Variants in ZNF850 observed in about 807,000 individuals in gnomAD.
ZNF850 encodes the protein putative zinc finger protein ENSP00000330994.
A neutral mutation model predicts 11.9 loss-of-function variants in ZNF850; 2 were observed. The observed-to-expected ratio is 0.17, with a 90% confidence interval of 0.07 to 0.53. The LOEUF (loss-of-function observed/expected upper bound fraction) is 0.53, where lower values mean the gene tolerates loss of function less well. ZNF850 is among the 20% of genes least tolerant of loss of function. ZNF850 has a pLI of 0.94. For missense variants in ZNF850, 1,014 were observed against 1,316.4 expected, an observed-to-expected ratio of 0.77 and a Z score of 3.55; for synonymous variants, 381 against 443.0, an observed-to-expected ratio of 0.86 and a Z score of 1.76.
intron 1 of ZNF850, among the ~76,000 whole-genome samples, chr19:36,772,002 T>G (rs541726407): frequency 6.6e-6 from 1 of 152,102 alleles, no homozygotes; most frequent in Non-Finnish European, 1.5e-5. Context: ...CCGCCAACTC[T>G]CTCTCTTTCT....
At chr19:36,765,155 T>A (rs2040542273) in intron 1 of ZNF850, among the ~76,000 whole-genome samples, 1 of 152,344 alleles carries the variant, frequency 6.6e-6, no homozygotes, top group East Asian at 1.9e-4. Context: ...TTGCTCTAGC[T>A]GTCTCTGATT....
In ZNF850 at chr19:36,748,096, C is replaced by G; in HGVS notation, c.2944G>C (p.Glu982Gln). The change falls in exon 5 of 5, where the codon GAA (glutamate) becomes CAA (glutamine). Residue 982 changes from glutamate to glutamine, a missense_variant. Around this residue, in one of 2 missense-constraint regions of ZNF850, gnomAD observed 179 missense variants for 294.4 expected, o/e 0.61. Coordinates refer to ENST00000591344, the MANE Select transcript of ZNF850 (RefSeq NM_001193552.2). The stretch of plus-strand genomic sequence containing the variant: ...AAAGATTTCCCACATTCTTTACATT[C>G]ATAAGGTCTGTCACCGGTATGAATT... Reference protein sequence around the residue: ...QRIHTGDRPYECKECGKSFTC... With the variant: ...QRIHTGDRPYQCKECGKSFTC... 2 of 1,551,054 alleles carry G rather than the reference C, an allele frequency of 1.3e-6. No homozygotes were observed. The highest frequency in any genetic ancestry group is 1.7e-6 in the Non-Finnish European group (2 of 1,151,988).
At chr19:36,751,653 G>T (rs954901368) in intron 4 of ZNF850, among the ~76,000 whole-genome samples, 9 of 119,000 alleles carry the variant, frequency 7.6e-5, no homozygotes, top group Non-Finnish European at 1.4e-4. Flanking sequence ...AGCCAAGATC[G>T]TACCATTGCA....
intron 3 of ZNF850, among the ~76,000 whole-genome samples, chr19:36,762,045 C>CAAAAAAAA (rs374193379): frequency 1.8e-5 from 2 of 114,246 alleles, no homozygotes; most frequent in Admixed American, 9.8e-5. Context: ...GACTTTGTCT[C>CAAAAAAAA]AAAAAAAAAA....
Position 36,749,436 on chromosome 19 carries a change from C to T in ZNF850, c.1604G>A (p.Cys535Tyr), listed in dbSNP as rs773348840. Residue 535 changes from cysteine (C) to tyrosine (Y), a missense_variant, in exon 5 of 5, where the codon TGT becomes TAT. Coordinates refer to ENST00000591344, the MANE Select transcript of ZNF850 (RefSeq NM_001193552.2). ...RIHTGEKPYH[C>Y]KECGKSFTFR... ...AGTAAAAGATTTTCCACATTCCTTA[C>T]AATGATAGGGTTTCTCACCAGTGTG... 6.4e-7 allele frequency: 1 copy of T among 1,550,598 alleles called. No individual in the cohort carries two copies. Among genetic ancestry groups the T allele is most frequent in the South Asian group, 1.2e-5 (1 of 84,870 alleles).
At chr19:36,753,659 A>G (rs2040468349) in intron 4 of ZNF850, among the ~76,000 whole-genome samples, 2 of 152,142 alleles carry the variant, frequency 1.3e-5, no homozygotes, top group South Asian at 2.1e-4. Context: ...AAAAAAAAAT[A>G]GCTTACACAC....
rs576878914 is a variant in ZNF850 at position 36,748,773 on chromosome 19, G to A, written c.2267C>T (p.Pro756Leu). 6.3e-5 allele frequency: 98 copies of A among 1,551,456 alleles called. No individual in the cohort carries two copies. The highest frequency in any genetic ancestry group is 3.3e-4 in the Middle Eastern group (2 of 6,024). The change falls in exon 5 of 5, where the codon CCC becomes CTC. Residue 756 changes from proline (P) to leucine (L), a missense_variant. Pro to Leu is a moderately conservative substitution (Grantham distance 98, BLOSUM62 -3). Around this residue, in one of 2 missense-constraint regions of ZNF850, gnomAD observed 835 missense variants for 1,022.0 expected, o/e 0.82. Coordinates refer to ENST00000591344, the MANE Select transcript of ZNF850 (RefSeq NM_001193552.2). Reference protein sequence around the residue: ...QHQQIHTGEKPYDCKECGKSF... With the variant: ...QHQQIHTGEKLYDCKECGKSF... ...TTTCCCACATTCCTTACAATCATAG[G>A]GTTTCTCACCAGTGTGAATTTGCTG...
rs1025857810 is a variant in ZNF850 at position 36,772,722 on chromosome 19, C to T, written c.-70+3G>A. On this transcript the variant is annotated splice_donor_region_variant and intron_variant, in intron 1 of 4. Coordinates refer to ENST00000591344, the MANE Select transcript of ZNF850 (RefSeq NM_001193552.2). ...ACAAAAGGACCGGAGCCGGATTCCT[C>T]ACCCTCAGCATTCTCTGGTTCCGCT... 1 of 152,504 alleles carries T rather than the reference C, an allele frequency of 6.6e-6. No individual in the cohort carries two copies. Among genetic ancestry groups the T allele is most frequent in the African/African-American group, 2.4e-5 (1 of 41,452 alleles). 9.4% of individuals were successfully genotyped at this position (152,504 alleles called of 1,614,324 possible).
At chr19:36,762,504 G>T in intron 2 of ZNF850, 73 bp from the exon 3 acceptor site, 1 of 1,532,606 alleles carries the variant, frequency 6.5e-7, no homozygotes, top group Non-Finnish European at 8.7e-7. Flanking sequence ...GAGATGGAAG[G>T]GTGCTGAAGG....
rs191253370 is a variant in ZNF850, at chr19:36,763,256, A to G, written c.-69-581T>C. ...ATCTACAAAAAGTTTAAAAACCTCT[A>G]TTGGCTGGGCGCGGTGGCTCACACC... is the stretch of plus-strand genomic sequence containing the variant. On this transcript the variant is annotated intron_variant, in intron 1 of 4. Coordinates refer to ENST00000591344, the MANE Select transcript of ZNF850 (RefSeq NM_001193552.2). 7.2e-5 allele frequency among the ~76,000 whole-genome samples: 11 copies of G among 151,976 alleles called. No individual in the cohort carries two copies. In the East Asian group the frequency reaches 1.6e-3, roughly 22 times the overall value.
At position 36,748,174 on chromosome 19, in the gene ZNF850, T is replaced by TCGG. The variant is rs1568732086; in HGVS notation, c.2865_2866insCCG (p.Cys955_Lys956insPro). ...TGTCTGAAGGACTTCCCACATGTCT[T>TCGG]ACATTCATAGGGTTTCTCGCCAGTG... On this transcript the variant is annotated inframe_insertion, in exon 5 of 5. Transcript: ENST00000591344. 1 of 1,553,296 alleles carries TCGG rather than the reference T, an allele frequency of 6.4e-7. No individual in the cohort carries two copies. The highest frequency in any genetic ancestry group is 8.7e-7 in the Non-Finnish European group (1 of 1,151,904).
chr19:36,747,832 A>C lies in ZNF850; in HGVS notation c.3208T>G (p.Cys1070Gly). The C allele has an allele frequency of 6.3e-7, 1 of 1,578,112 alleles. No individual in the cohort carries two copies. Among genetic ancestry groups the C allele is most frequent in the South Asian group, 1.1e-5 (1 of 87,258 alleles). The change falls in exon 5 of 5, where the codon TGT becomes GGT. Residue 1070 changes from cysteine to glycine, a missense_variant. By Grantham distance (159) the Cys-to-Gly change is radical (BLOSUM62 -3). Coordinates refer to ENST00000591344, the MANE Select transcript of ZNF850 (RefSeq NM_001193552.2). ...TGEKPYECKT[C>G]GKAFKQLTQL... ...GTAAGCTGTTTAAAGGCCTTCCCAC[A>C]TGTCTTACATTCATAGGGTTTCTCG... is the stretch of plus-strand genomic sequence containing the variant.
At chr19:36,764,047 C>G (rs1299556440) in intron 1 of ZNF850, among the ~76,000 whole-genome samples, 3 of 151,868 alleles carry the variant, frequency 2.0e-5, no homozygotes, top group Non-Finnish European at 4.4e-5. Flanking sequence ...GAGATAGAGA[C>G]CATCCCGGCC....
intron 1 of ZNF850, among the ~76,000 whole-genome samples, chr19:36,765,804 A>G (rs1042978840): frequency 6.6e-6 from 1 of 151,988 alleles, no homozygotes; most frequent in Non-Finnish European, 1.5e-5. Context: ...GGCTGGTATC[A>G]AACTCCTGAC....
At position 36,747,693 on chromosome 19, in the gene ZNF850, C is replaced by T; in HGVS notation, c.*74G>A. 1 of 1,299,500 alleles carries T rather than the reference C, an allele frequency of 7.7e-7. No homozygotes were observed. Among genetic ancestry groups the T allele is most frequent in the Non-Finnish European group, 1.0e-6 (1 of 978,786 alleles). The allele number at this position is 1,299,500 out of a possible 1,614,324, so 80.5% of individuals were successfully genotyped here. ...AAGTGAATATGAAGTAATACACATC[C>T]ATTGTATTTGACCCACATATGGAAT... On this transcript the variant is annotated 3_prime_UTR_variant, in exon 5 of 5. Transcript: ENST00000591344.
intron 1 of ZNF850, among the ~76,000 whole-genome samples, chr19:36,765,017 A>C (rs2040541391): frequency 6.6e-6 from 1 of 152,036 alleles, no homozygotes; most frequent in African/African-American, 2.4e-5. Context: ...CCCCTGTATT[A>C]GGGTCATACT....
chr19:36,758,403 CAG>C (rs1402336752), intron 4 of ZNF850, among the ~76,000 whole-genome samples: 12 of 152,120 alleles, frequency 7.9e-5, no homozygotes, highest in Non-Finnish European at 1.6e-4. Flanking sequence ...TTTCTTGAGA[CAG>C]AGTCTCACTC....
Position 36,749,708 on chromosome 19 carries a change from AGT to A in ZNF850, c.1330_1331del (p.Thr444TrpfsTer2). 2.6e-6 allele frequency: 4 copies of A among 1,560,670 alleles called. No homozygotes were observed. The highest frequency in any genetic ancestry group is 3.5e-6 in the Non-Finnish European group (4 of 1,154,806). On this transcript the variant is annotated frameshift_variant, in exon 5 of 5. Coordinates refer to ENST00000591344, the MANE Select transcript of ZNF850 (RefSeq NM_001193552.2). LOFTEE classifies it low-confidence loss of function (END_TRUNC). ...STLIQHQRIHTGEKPYDCKEC... is the reference protein window; with the variant it reads ...STLIQHQRIHXGEKPYDCKEC... ...CCTTACAATCATAGGGTTTCTCACC[AGT>A]GTGAATTCGCTGATGTTGAATTAGT...
Position 36,762,648 on chromosome 19 carries a change from G to C in ZNF850, c.-42C>G, listed in dbSNP as rs1256154375. On this transcript the variant is annotated 5_prime_UTR_variant, in exon 2 of 5. Transcript: ENST00000591344. ...GCCAGCAAACCTCCTTCATAGAATG[G>C]GACATTCCGAATATTCCATGGTTAG... The C allele has an allele frequency of 2.6e-6, 4 of 1,521,810 alleles. No individual in the cohort carries two copies. The South Asian group carries it at 4.8e-5, about 18-fold the overall frequency. 94.3% of individuals were successfully genotyped at this position (1,521,810 alleles called of 1,614,324 possible).
Sources: gnomAD v4.1 joint callset for allele counts (sites outside exome capture counted in the v4.1 genomes callset) on GRCh38, gnomAD v4.1.1 for gene constraint, gnomAD v4.1.1 regional missense constraint, MANE v1.5 for transcripts, NCBI Gene and HGNC (gene_info 2026-07-23, HGNC 2026-07-21) for gene names.